Variants in CLUAP1 observed in about 807,000 individuals in gnomAD.
The protein encoded by CLUAP1 is clusterin-associated protein 1.
In CLUAP1, 50 loss-of-function variants were observed where a neutral mutation model predicts 55.0. That is an observed-to-expected ratio of 0.91 (90% CI 0.72 to 1.15). The LOEUF (loss-of-function observed/expected upper bound fraction) is 1.15. CLUAP1 is among the 50% of genes most tolerant of loss of function. The probability of loss-of-function intolerance (pLI) is 0.00; values close to 1 mark genes in which losing one functional copy is unlikely to be tolerated. For missense variants in CLUAP1, 530 were observed against 507.6 expected, an observed-to-expected ratio of 1.04 and a Z score of -0.42; for synonymous variants, 195 against 175.4, an observed-to-expected ratio of 1.11 and a Z score of -0.88.
Position 3,530,674 on chromosome 16 carries a change from A to G in CLUAP1, c.1035A>G (p.Gln345=), listed in dbSNP as rs747732896. 2 of 1,613,314 alleles carry G rather than the reference A, an allele frequency of 1.2e-6. No individual in the cohort carries two copies. Among genetic ancestry groups the G allele is most frequent in the Admixed American group, 3.3e-5 (2 of 59,990 alleles). The change falls in exon 10 of 12, where the codon CAA becomes CAG. Residue 345 remains glutamine, a splice_region_variant and synonymous_variant. Transcript: ENST00000576634. ...KPQTAMEMLM[Q]GRPGKRIVGT... The stretch of plus-strand genomic sequence containing the variant: ...AGACAGCCATGGAGATGCTCATGCA[A>G]GGTACCCCGGCGTCTTTCGCTGGAC...
intron 8 of CLUAP1, among the ~76,000 whole-genome samples, 176 bp from the exon 9 acceptor site, chr16:3,526,236 G>A (rs2037940183): frequency 6.6e-6 from 1 of 152,236 alleles, no homozygotes; most frequent in East Asian, 1.9e-4. Context: ...AGAAAGGGCA[G>A]TAAGTTTCAG....
At chr16:3,500,812 A>G (rs2037377234), upstream of CLUAP1, 2 of 554,108 alleles carry the variant, frequency 3.6e-6, no homozygotes, top group African/African-American at 3.8e-5. Context: ...GACGCCCAGA[A>G]GCTGGGAAGC....
chr16:3,533,232 G>C (rs930420494), intron 11 of CLUAP1: 1 of 1,147,804 alleles, frequency 8.7e-7, no homozygotes, highest in South Asian at 1.3e-5. Flanking sequence ...CCTCTCCCTA[G>C]GAGTGATGCT....
At chr16:3,500,639 G>A (rs1169112882), upstream of CLUAP1, among the ~76,000 whole-genome samples, 2 of 152,340 alleles carry the variant, frequency 1.3e-5, no homozygotes, top group East Asian at 1.9e-4. Flanking sequence ...CCAAAGTGCT[G>A]GGATTGTAGG....
At chr16:3,526,191 G>A (rs554856884) in intron 8 of CLUAP1, among the ~76,000 whole-genome samples, 1 of 152,242 alleles carries the variant, frequency 6.6e-6, no homozygotes, top group East Asian at 1.9e-4. Flanking sequence ...CACTCTGGGC[G>A]CCCCTGTCCA....
At chr16:3,523,127 C>CT in intron 7 of CLUAP1, 31 bp from the exon 8 acceptor site, 1 of 1,581,802 alleles carries the variant, frequency 6.3e-7, no homozygotes, top group Non-Finnish European at 8.6e-7. Flanking sequence ...TATAATTCAC[C>CT]TTTCCTTTTT....
intron 11 of CLUAP1, chr16:3,533,704 CAG>C (rs2038174941): frequency 6.4e-6 from 1 of 155,956 alleles, no homozygotes; most frequent in African/African-American, 2.4e-5. Context: ...GGCGACTCAA[CAG>C]AGACTGACCC....
Position 3,536,245 on chromosome 16 carries a change from C to G in CLUAP1, c.1216C>G (p.Leu406Val), listed in dbSNP as rs1567445411. 1.2e-6 allele frequency: 2 copies of G among 1,614,130 alleles called. No homozygotes were observed. The highest frequency in any genetic ancestry group is 1.7e-6 in the Non-Finnish European group (2 of 1,180,022). Residue 406 changes from leucine to valine, a missense_variant, in exon 12 of 12, where the codon CTG (leucine) becomes GTG (valine). Physicochemically the swap from Leu to Val is conservative, Grantham distance 32. Coordinates refer to ENST00000576634, the MANE Select transcript of CLUAP1 (RefSeq NM_015041.3). Reference protein sequence around the residue: ...PNRRVRKSEPLDESDNDF With the variant: ...PNRRVRKSEPVDESDNDF ...TCGAAGGGTCCGGAAATCTGAACCC[C>G]TGGATGAGAGTGACAATGACTTCTG...
chr16:3,518,132 A>G (rs1596393344), intron 6 of CLUAP1, among the ~76,000 whole-genome samples: 1 of 152,214 alleles, frequency 6.6e-6, no homozygotes, highest in Non-Finnish European at 1.5e-5. Context: ...CTGGTCAGCA[A>G]CTTACTGTCA....
At position 3,519,950 on chromosome 16, in the gene CLUAP1, T is replaced by C; in HGVS notation, c.627T>C (p.Asp209=). The change falls in exon 7 of 12, where the codon GAT becomes GAC. Residue 209 remains aspartate, a synonymous_variant. Transcript: ENST00000576634. ...ACCTGCTCAATAATGTGGCCTCTGA[T>C]GAAGCTAATTTAGAAGCCAAAATCG... The part of the protein sequence containing the change: ...TKDLLNNVAS[D]EANLEAKIEK... 1 of 1,613,702 alleles carries C rather than the reference T, an allele frequency of 6.2e-7. No homozygotes were observed. The highest frequency in any genetic ancestry group is 8.5e-7 in the Non-Finnish European group (1 of 1,179,872).
intron 1 of CLUAP1, among the ~76,000 whole-genome samples, chr16:3,502,253 G>A (rs923312691): frequency 6.6e-6 from 1 of 152,032 alleles, no homozygotes; most frequent in Non-Finnish European, 1.5e-5. Flanking sequence ...GACTAGCCTA[G>A]CTAACATGGC....
At chr16:3,500,870 G>A (rs1195686903), upstream of CLUAP1, 7 of 598,404 alleles carry the variant, frequency 1.2e-5, no homozygotes, top group Non-Finnish European at 1.8e-5. Context: ...TGCCCTCGGC[G>A]TCTCAGGAGC....
At chr16:3,496,151 A>C (rs2037306105), upstream of CLUAP1, 1 of 427,204 alleles carries the variant, frequency 2.3e-6, no homozygotes, top group Non-Finnish European at 4.5e-6. Context: ...AAAAAAAAAA[A>C]AAAGTTAAAC....
chr16:3,533,258 A>C, intron 11 of CLUAP1: 1 of 899,724 alleles, frequency 1.1e-6, no homozygotes, highest in South Asian at 1.4e-5. Flanking sequence ...TCTCCTGGGC[A>C]AAAAGGCCAC....
chr16:3,505,611 C>T (rs894673328), intron 2 of CLUAP1, among the ~76,000 whole-genome samples: 1 of 150,940 alleles, frequency 6.6e-6, no homozygotes, highest in Non-Finnish European at 1.5e-5. Context: ...GGGAAATATA[C>T]CAGGAAGTCG....
At chr16:3,519,861 T>G (rs750458966) in intron 6 of CLUAP1, 42 bp from the exon 7 acceptor site, 1 of 1,543,806 alleles carries the variant, frequency 6.5e-7, no homozygotes, top group Non-Finnish European at 8.7e-7. Context: ...AGGATGGCTG[T>G]TTTTATTGCC....
At chr16:3,512,354 G>C (rs2037645018) in intron 4 of CLUAP1, 29 bp from the exon 5 acceptor site, 1 of 1,553,790 alleles carries the variant, frequency 6.4e-7, no homozygotes, top group Admixed American at 1.7e-5. Flanking sequence ...CTGTTGCTGA[G>C]GTTTCTGTTT....
intron 6 of CLUAP1, among the ~76,000 whole-genome samples, chr16:3,516,759 G>T (rs974552080): frequency 6.6e-6 from 1 of 152,082 alleles, no homozygotes; most frequent in Admixed American, 6.5e-5. Flanking sequence ...ACATTTCTTA[G>T]CTCTGAGCAC....
the CLUAP1 span, chr16:3,495,520 A>C: frequency 6.5e-7 from 1 of 1,545,288 alleles, no homozygotes; most frequent in Non-Finnish European, 8.7e-7. Context: ...TCCCCTGGCA[A>C]CTGGTTCTTA....
Sources: allele counts gnomAD v4.1 joint callset (sites outside exome capture counted in the v4.1 genomes callset), GRCh38; gene constraint gnomAD v4.1.1; transcripts MANE v1.5; gene names NCBI Gene and HGNC (gene_info 2026-07-23, HGNC 2026-07-21).